DOP1A: variants seen among roughly 807,000 people sequenced by gnomAD.
DOP1A encodes protein DOP1A.
A neutral mutation model predicts 267.6 loss-of-function variants in DOP1A; 90 were observed. That is an observed-to-expected ratio of 0.34 (90% confidence interval 0.28 to 0.40). DOP1A has a LOEUF of 0.40. Among genes scored for constraint, DOP1A ranks in the 10% least tolerant of loss-of-function variants. The pLI, the probability that DOP1A is intolerant of heterozygous loss-of-function variation, is 1.00. For synonymous variants in DOP1A, 932 were observed against 999.1 expected (o/e 0.93, Z 1.27); for missense variants, 2,437 against 2,900.4 (o/e 0.84, Z 3.67).
At chr6:83,069,866 T>G (rs186590368) in intron 1 of DOP1A, among the ~76,000 whole-genome samples, 1 of 152,194 alleles carries the variant, frequency 6.6e-6, no homozygotes, top group Non-Finnish European at 1.5e-5. Context: ...TTTCTCCTTA[T>G]AGTCATGCAT....
intron 1 of DOP1A, among the ~76,000 whole-genome samples, chr6:83,076,353 C>T (rs1767087815): frequency 6.6e-6 from 1 of 152,070 alleles, no homozygotes; most frequent in Non-Finnish European, 1.5e-5. Flanking sequence ...GAAACCCGGT[C>T]TCTACTAAAA....
At chr6:83,150,762 G>A (rs1781494878) in intron 27 of DOP1A, among the ~76,000 whole-genome samples, 1 of 152,016 alleles carries the variant, frequency 6.6e-6, no homozygotes, top group Admixed American at 6.6e-5. Context: ...AATGTGTTAT[G>A]GGAAGAAATC....
downstream of DOP1A, chr6:83,170,219 T>TC: frequency 1.6e-6 from 2 of 1,235,766 alleles, no homozygotes; most frequent in Non-Finnish European, 2.3e-6. Context: ...TTAATCATCA[T>TC]AGTGAGATTC....
Position 83,130,149 on chromosome 6 carries a change from T to A in DOP1A, c.2368T>A (p.Trp790Arg). 6.2e-7 allele frequency: 1 copy of A among 1,614,038 alleles called. No homozygotes were observed. The highest frequency in any genetic ancestry group is 1.1e-5 in the South Asian group (1 of 91,076). Reference protein sequence around the residue: ...TDCEHVQPPQWLQTLMNACSQ... With the variant: ...TDCEHVQPPQRLQTLMNACSQ... ...CTGTGAGCATGTGCAGCCTCCACAG[T>A]GGCTCCAGACTCTGATGAATGCTTG... Residue 790 changes from tryptophan to arginine, a missense_variant, in exon 17 of 39, where the codon TGG becomes AGG. Trp to Arg is a moderately radical substitution (Grantham distance 101). Coordinates refer to ENST00000349129, the MANE Select transcript of DOP1A (RefSeq NM_015018.4).
chr6:83,132,089 G>T lies in DOP1A; in HGVS notation c.2617-87G>T, dbSNP rs1778143104. ...AAAAGCCTTTCAGGTCTGACAGAGA[G>T]CAGGCATTCATTTGTACCTAATAGG... On this transcript the variant is annotated intron_variant, in intron 17 of 38. Coordinates refer to ENST00000349129, the MANE Select transcript of DOP1A (RefSeq NM_015018.4). The T allele has an allele frequency of 2.7e-6, 4 of 1,465,146 alleles. No individual in the cohort carries two copies. In the Admixed American group the frequency reaches 7.1e-5, roughly 26 times the overall value. 90.8% of individuals were successfully genotyped at this position (1,465,146 alleles called of 1,614,324 possible).
chr6:83,079,415 T>C (rs1434524923), intron 1 of DOP1A, among the ~76,000 whole-genome samples: 1 of 152,182 alleles, frequency 6.6e-6, no homozygotes, highest in Non-Finnish European at 1.5e-5. Flanking sequence ...AATTTGTTTC[T>C]ACTGGCTGTG....
chr6:83,117,879 T>G (rs1229566658), intron 7 of DOP1A, among the ~76,000 whole-genome samples: 1 of 152,232 alleles, frequency 6.6e-6, no homozygotes, highest in Non-Finnish European at 1.5e-5. Context: ...TTGTTGGTGA[T>G]CTGTGTTCTG....
In DOP1A at chr6:83,137,286, C is replaced by T. The variant is rs1485023672; in HGVS notation, c.3244C>T (p.Leu1082=). The T allele has an allele frequency of 6.2e-7, 1 of 1,613,610 alleles. No homozygotes were observed. The highest frequency in any genetic ancestry group is 8.5e-7 in the Non-Finnish European group (1 of 1,179,770). ...TCCATTAAGTGACAGACTTTCCCTC[C>T]TAAGTACCAGCAGTGAGACAATTCC... ...VNPLSDRLSL[L]STSSETIPMV... The change falls in exon 21 of 39, where the codon CTA becomes TTA. Residue 1082 remains leucine (L), a synonymous_variant. Coordinates refer to ENST00000349129, the MANE Select transcript of DOP1A (RefSeq NM_015018.4).
chr6:83,100,633 A>G (rs1772400971), intron 3 of DOP1A, 72 bp from the exon 4 acceptor site: 7 of 1,082,416 alleles, frequency 6.5e-6, no homozygotes, highest in African/African-American at 3.2e-5. Context: ...TTATAATACT[A>G]TGCTAGAAAA....
At chr6:83,145,467 A>C (rs1445113346) in intron 24 of DOP1A, 57 bp from the exon 25 acceptor site, 1 of 1,384,480 alleles carries the variant, frequency 7.2e-7, no homozygotes, top group Non-Finnish European at 9.7e-7. Context: ...CTCTTCTGTA[A>C]CTTCCCCTAA....
chr6:83,148,579 AAAAG>A (rs1471133830), intron 26 of DOP1A, among the ~76,000 whole-genome samples, 176 bp from the exon 27 acceptor site: 1 of 152,236 alleles, frequency 6.6e-6, no homozygotes, highest in Non-Finnish European at 1.5e-5. Flanking sequence ...TGTTTTAAAA[AAAAG>A]AAAGAAATTG....
chr6:83,079,046 A>C (rs1427401052), intron 1 of DOP1A, among the ~76,000 whole-genome samples: 1 of 152,168 alleles, frequency 6.6e-6, no homozygotes, highest in East Asian at 1.9e-4. Context: ...GATATCCTCA[A>C]CATTAATTCT....
At chr6:83,085,638 G>A (rs1449544290) in intron 1 of DOP1A, among the ~76,000 whole-genome samples, 1 of 152,150 alleles carries the variant, frequency 6.6e-6, no homozygotes, top group African/African-American at 2.4e-5. Flanking sequence ...CTTTGTATTG[G>A]AATATTTGTA....
intron 27 of DOP1A, among the ~76,000 whole-genome samples, chr6:83,149,710 A>G (rs1020154424): frequency 1.2e-4 from 18 of 152,260 alleles, no homozygotes; most frequent in East Asian, 7.7e-4. Context: ...TAGGAATTCT[A>G]TTTCAAGTGG....
At position 83,135,639 on chromosome 6, in the gene DOP1A, A is replaced by G. The variant is rs747840244; in HGVS notation, c.2891A>G (p.Asp964Gly). Residue 964 changes from aspartate (D) to glycine (G), a missense_variant, in exon 20 of 39, where the codon GAT becomes GGT. Asp to Gly is a moderately conservative substitution (Grantham distance 94). Around this residue, in one of 9 missense-constraint regions of DOP1A, gnomAD observed 878 missense variants for 992.9 expected, o/e 0.88. Transcript: ENST00000349129. ...SFDRSLFIML[D>G]SLNSLDGSTS... is the part of the protein sequence containing the mutation. ...TTTAGGTCACTGTTCATCATGTTAGATAGCCTTAACAGTCTCGATGGTTCT... is the reference window on the plus strand; with the variant it reads ...TTTAGGTCACTGTTCATCATGTTAGGTAGCCTTAACAGTCTCGATGGTTCT... 2 of 1,613,154 alleles carry G rather than the reference A, an allele frequency of 1.2e-6. No homozygotes were observed. The highest frequency in any genetic ancestry group is 2.7e-5 in the African/African-American group (2 of 74,840).
intron 1 of DOP1A, 83 bp from the exon 2 acceptor site, chr6:83,096,648 A>G (rs1771569950): frequency 4.9e-6 from 2 of 409,568 alleles, no homozygotes; most frequent in Non-Finnish European, 8.6e-6. Context: ...GAGAAATAAC[A>G]TGATTCTAAA....
chr6:83,070,654 C>T (rs902903464), intron 1 of DOP1A, among the ~76,000 whole-genome samples: 1 of 152,106 alleles, frequency 6.6e-6, no homozygotes, highest in African/African-American at 2.4e-5. Context: ...AGCTCAAATG[C>T]CACCCTGTGA....
rs765427981 is a variant in DOP1A, at chr6:83,129,359, A to G, written c.2192A>G (p.Glu731Gly). The G allele has an allele frequency of 2.5e-6, 4 of 1,607,830 alleles. No homozygotes were observed. The South Asian group carries it at 4.5e-5, about 18-fold the overall frequency. The change falls in exon 16 of 39, where the codon GAG (glutamate) becomes GGG (glycine). Residue 731 changes from glutamate (E) to glycine (G), a missense_variant. Physicochemically the swap from Glu to Gly is moderately conservative, Grantham distance 98. This residue lies in a region of DOP1A where 498 missense variants were observed against 513.5 expected (regional missense o/e 0.97). Coordinates refer to ENST00000349129, the MANE Select transcript of DOP1A (RefSeq NM_015018.4). ...AGAAATTCACAAGGAGATGTAAAAG[A>G]GAAAAACATAAGTAAACAAAAAACT... ...WDRNSQGDVK[E>G]KNISKQKTSK...
At chr6:83,118,809 T>A (rs1775882447) in intron 7 of DOP1A, 79 bp from the exon 8 acceptor site, 4 of 1,234,624 alleles carry the variant, frequency 3.2e-6, no homozygotes, top group Non-Finnish European at 4.6e-6. Context: ...CTAAGCATAT[T>A]TCAGGGCATT....
Sources: allele counts gnomAD v4.1 joint callset (sites outside exome capture counted in the v4.1 genomes callset), GRCh38; gene constraint gnomAD v4.1.1; regional missense constraint gnomAD v4.1.1; transcripts MANE v1.5; gene names NCBI Gene and HGNC (gene_info 2026-07-23, HGNC 2026-07-21).